Variants in OSBPL10 observed in about 807,000 individuals in gnomAD.
OSBPL10 encodes oxysterol binding protein like 10, also known as oxysterol-binding protein-related protein 10.
A neutral mutation model predicts 81.7 loss-of-function variants in OSBPL10; 49 were observed. That is an observed-to-expected ratio of 0.60 (90% CI 0.48 to 0.76). The LOEUF is 0.76. Ranked by LOEUF, OSBPL10 falls within the 30% of genes least tolerant of loss-of-function variation. OSBPL10 has a pLI of 0.00. For missense variants in OSBPL10, 923 were observed against 987.8 expected, an observed-to-expected ratio of 0.93 and a Z score of 0.88; for synonymous variants, 419 against 383.6, an observed-to-expected ratio of 1.09 and a Z score of -1.08.
intron 2 of OSBPL10, chr3:31,989,052 C>T (rs11129475): frequency 0.21 from 333,916 of 1,612,850 alleles, 42,564 homozygotes; most frequent in African/African-American, 0.55. Context: ...GAAGGTCACA[C>T]TGCAGCACTA....
In OSBPL10 at chr3:31,991,520, AGT is replaced by A. The variant is rs1190547901; in HGVS notation, n.298+54969_298+54970del. ...TACTGTAAGTTCTCTAGCAAATGGAAGTGTTTTCTTAATTTTCTTTTAACATT... is the reference window on the plus strand; with the variant it reads ...TACTGTAAGTTCTCTAGCAAATGGAAGTTTTCTTAATTTTCTTTTAACATT... On this transcript the variant is annotated intron_variant and non_coding_transcript_variant, in intron 2 of 3. Transcript: ENST00000479173. 36 of 166,820 alleles carry A rather than the reference AGT, an allele frequency of 2.2e-4. No homozygotes were observed. The Admixed American group carries it at 2.4e-3, about 11-fold the overall frequency. 10.3% of individuals were successfully genotyped at this position (166,820 alleles called of 1,614,324 possible). A position where few individuals can be genotyped will look rare whatever the true frequency, so the allele number is the denominator to read the frequency against.
intron 2 of OSBPL10, among the ~76,000 whole-genome samples, chr3:32,030,885 G>C (rs970921432): frequency 2.0e-5 from 3 of 152,076 alleles, no homozygotes; most frequent in East Asian, 1.9e-4. Flanking sequence ...AATTGAGGAG[G>C]CCGGGCGCGG....
At chr3:31,921,194 A>G (rs1696902034) in intron 1 of OSBPL10, among the ~76,000 whole-genome samples, 1 of 152,184 alleles carries the variant, frequency 6.6e-6, no homozygotes, top group Admixed American at 6.5e-5. Context: ...TACACATAGA[A>G]ATATTTTAAA....
At chr3:31,865,299 G>T (rs1701150422) in intron 3 of OSBPL10, among the ~76,000 whole-genome samples, 1 of 152,162 alleles carries the variant, frequency 6.6e-6, no homozygotes. Context: ...GCCAGATGTG[G>T]CTACTGAGCA....
At chr3:31,972,057 G>A (rs1698580915) in intron 1 of OSBPL10, among the ~76,000 whole-genome samples, 1 of 152,200 alleles carries the variant, frequency 6.6e-6, no homozygotes, top group Admixed American at 6.5e-5. Context: ...AGTATGTTTG[G>A]GGGATGGTGC....
chr3:31,930,309 C>G (rs1225148884), intron 1 of OSBPL10, among the ~76,000 whole-genome samples: 1 of 152,132 alleles, frequency 6.6e-6, no homozygotes, highest in Non-Finnish European at 1.5e-5. Flanking sequence ...TCATTTTTAC[C>G]TCTCAGATTT....
At chr3:31,995,550 G>A (rs1281187184) in intron 2 of OSBPL10, among the ~76,000 whole-genome samples, 3 of 152,088 alleles carry the variant, frequency 2.0e-5, no homozygotes, top group Non-Finnish European at 4.4e-5. Flanking sequence ...AAGGTGCACT[G>A]ACTTCATATT....
intron 4 of OSBPL10, among the ~76,000 whole-genome samples, chr3:31,811,121 G>A (rs956479143): frequency 2.0e-5 from 3 of 151,482 alleles, no homozygotes; most frequent in African/African-American, 2.4e-5. Flanking sequence ...GCAGTATTCC[G>A]CTACTCCCCA....
Position 31,702,458 on chromosome 3 carries a change from A to G in OSBPL10, c.1146T>C (p.Asn382=), listed in dbSNP as rs563715159. 1.8e-5 allele frequency: 29 copies of G among 1,613,988 alleles called. No individual in the cohort carries two copies. Among genetic ancestry groups the G allele is most frequent in the Non-Finnish European group, 2.4e-5 (28 of 1,180,008 alleles). ...LVLSEDEKSD[N]EDKEETELGV... is the part of the protein sequence containing the mutation. ...CCAATTCCGTCTCTTCCTTATCTTC[A>G]TTGTCACTTTTTTCATCTTCAGACA... The change falls in exon 7 of 12, where the codon AAT becomes AAC. Residue 382 remains asparagine, a synonymous_variant. Transcript: ENST00000396556.
intron 1 of OSBPL10, among the ~76,000 whole-genome samples, chr3:32,057,843 G>C (rs962069467): frequency 1.3e-5 from 2 of 152,124 alleles, no homozygotes; most frequent in Admixed American, 6.6e-5. Context: ...CCTCAGGTGG[G>C]GGACCAACCC....
At chr3:31,941,956 T>C (rs2125425384) in intron 1 of OSBPL10, among the ~76,000 whole-genome samples, 1 of 152,342 alleles carries the variant, frequency 6.6e-6, no homozygotes, top group Admixed American at 6.5e-5. Context: ...AGGGCTTCTC[T>C]TTCTTCCTTC....
intron 4 of OSBPL10, among the ~76,000 whole-genome samples, chr3:31,778,789 G>C (rs558822279): frequency 3.6e-4 from 55 of 152,122 alleles, no homozygotes; most frequent in African/African-American, 1.3e-3. Flanking sequence ...TCAAGACAAA[G>C]GAAAGAATCT....
rs1317167736 is a variant in OSBPL10 at position 31,828,679 on chromosome 3, C to T, written c.729+1361G>A. On this transcript the variant is annotated intron_variant, in intron 4 of 11. Coordinates refer to ENST00000396556, the MANE Select transcript of OSBPL10 (RefSeq NM_017784.5). ...TCCTAAGTAGCTGGGACTACAGTCA[C>T]GCGCCACCATGCCCAGCTAATTTTT... Among the ~76,000 whole-genome samples the T allele has an allele frequency of 2.6e-5, 4 of 152,148 alleles. No individual in the cohort carries two copies. In the East Asian group the frequency reaches 5.8e-4, roughly 22 times the overall value.
At chr3:31,704,103 T>A (rs965292418) in intron 6 of OSBPL10, 4 of 152,456 alleles carry the variant, frequency 2.6e-5, no homozygotes, top group Admixed American at 6.5e-5. Context: ...TGACACCCCG[T>A]GCTGCTGCGT....
chr3:31,733,240 G>A lies in OSBPL10; in HGVS notation c.1095+17C>T. On this transcript the variant is annotated intron_variant, in intron 6 of 11. Coordinates refer to ENST00000396556, the MANE Select transcript of OSBPL10 (RefSeq NM_017784.5). ...ATAACACAAGCCATGAATGCACTGA[G>A]AGGACTGCACGCTTACCTCTGGCTC... 1.9e-6 allele frequency: 3 copies of A among 1,609,972 alleles called. No individual in the cohort carries two copies. The highest frequency in any genetic ancestry group is 1.3e-5 in the African/African-American group (1 of 74,636).
At chr3:32,037,787 G>A (rs1453017506) in intron 2 of OSBPL10, 1 of 155,688 alleles carries the variant, frequency 6.4e-6, no homozygotes, top group African/African-American at 2.4e-5. Context: ...CTCTGCAGCG[G>A]AGGGAGAGAA....
At chr3:31,818,524 C>T (rs932612669) in intron 4 of OSBPL10, among the ~76,000 whole-genome samples, 11 of 152,222 alleles carry the variant, frequency 7.2e-5, no homozygotes, top group African/African-American at 2.4e-4. Flanking sequence ...ACTAGCACAG[C>T]ACCATAGCAG....
intron 8 of OSBPL10, among the ~76,000 whole-genome samples, chr3:31,677,188 A>G (rs1700501600): frequency 6.6e-6 from 1 of 152,148 alleles, no homozygotes; most frequent in Admixed American, 6.5e-5. Context: ...AAATTATCCA[A>G]CCTCCTGCCT....
chr3:31,838,563 A>G (rs72850525), intron 3 of OSBPL10, among the ~76,000 whole-genome samples: 3,073 of 150,728 alleles, frequency 0.02, 102 homozygotes, highest in African/African-American at 0.071. Context: ...TCCTAACCCC[A>G]AAGTGATGCT....
Sources: gnomAD v4.1 joint callset for allele counts (sites outside exome capture counted in the v4.1 genomes callset) on GRCh38, gnomAD v4.1.1 for gene constraint, MANE v1.5 for transcripts, NCBI Gene and HGNC (gene_info 2026-07-23, HGNC 2026-07-21) for gene names.